The following UGP2 variants were observed in gnomAD, a reference collection of about 807,000 sequenced individuals.
UGP2 encodes UDP-glucose pyrophosphorylase 2, also known as UTP--glucose-1-phosphate uridylyltransferase.
In UGP2, 40 loss-of-function variants were observed where a neutral mutation model predicts 49.0. The ratio of observed to expected loss-of-function variants is 0.82; its 90% CI spans 0.63 to 1.06. The LOEUF (loss-of-function observed/expected upper bound fraction) is 1.06, where lower values mean the gene tolerates loss of function less well. Among genes scored for constraint, UGP2 ranks in the 50% least tolerant of loss-of-function variants. UGP2 has a pLI of 0.00. For missense variants in UGP2, 460 were observed against 603.5 expected, an observed-to-expected ratio of 0.76 and a Z score of 2.49; for synonymous variants, 225 against 213.0, an observed-to-expected ratio of 1.06 and a Z score of -0.49.
intron 3 of UGP2, among the ~76,000 whole-genome samples, chr2:63,872,393 A>C (rs1258902483): frequency 6.6e-6 from 1 of 152,206 alleles, no homozygotes; most frequent in Non-Finnish European, 1.5e-5. Context: ...GAATCAGTGA[A>C]GTAGTAATAA....
At chr2:63,866,197 A>C (rs1304544356) in intron 3 of UGP2, among the ~76,000 whole-genome samples, 1 of 152,248 alleles carries the variant, frequency 6.6e-6, no homozygotes, top group Non-Finnish European at 1.5e-5. Context: ...TGAAAATCAC[A>C]GAATGTATAT....
chr2:63,887,663 ATG>A lies in UGP2; in HGVS notation c.1314+22_1314+23del, dbSNP rs774876096. The A allele has an allele frequency of 1.1e-5, 17 of 1,609,880 alleles. No individual in the cohort carries two copies. The highest frequency in any genetic ancestry group is 3.3e-4 in the Middle Eastern group (2 of 6,050). On this transcript the variant is annotated intron_variant, in intron 8 of 9. Coordinates refer to ENST00000337130, the MANE Select transcript of UGP2 (RefSeq NM_006759.4). ...TACGAAGGTACGTAACTATAAAGAT[ATG>A]TGAGTTCATATTTCTTAAATGTGTA... is the stretch of plus-strand genomic sequence containing the variant.
chr2:63,869,922 ATTTT>A (rs71393337), intron 3 of UGP2, among the ~76,000 whole-genome samples: 1 of 135,478 alleles, frequency 7.4e-6, no homozygotes, highest in Non-Finnish European at 1.6e-5. Context: ...ATTAAAATTA[ATTTT>A]TTTTTTTTTT....
intron 3 of UGP2, among the ~76,000 whole-genome samples, chr2:63,863,947 G>A (rs1054324294): frequency 2.6e-5 from 4 of 152,160 alleles, no homozygotes; most frequent in African/African-American, 9.7e-5. Flanking sequence ...TGTCTTCATC[G>A]TACATAGTCC....
At chr2:63,852,714 A>G (rs1017729285) in intron 1 of UGP2, among the ~76,000 whole-genome samples, 1 of 152,224 alleles carries the variant, frequency 6.6e-6, no homozygotes. Context: ...GAACTAAGGT[A>G]GCAGTAATGG....
At chr2:63,844,625 G>T (rs1399718157) in intron 1 of UGP2, among the ~76,000 whole-genome samples, 1 of 152,214 alleles carries the variant, frequency 6.6e-6, no homozygotes, top group Non-Finnish European at 1.5e-5. Context: ...GCAGTGGTGC[G>T]ATCACAGCTC....
At position 63,887,545 on chromosome 2, in the gene UGP2, G is replaced by GTCAAACC. The variant is rs1348268405; in HGVS notation, c.1218_1224dup (p.Tyr409LysfsTer4). The GTCAAACC allele has an allele frequency of 6.2e-7, 1 of 1,614,026 alleles. No homozygotes were observed. Among genetic ancestry groups the GTCAAACC allele is most frequent in the African/African-American group, 1.3e-5 (1 of 74,934 alleles). ...CCACATCAGATCTCTTGCTGGTGATGTCAAACCTCTATAGTCTTAATGCAG... is the reference window on the plus strand; with the variant it reads ...CCACATCAGATCTCTTGCTGGTGATGTCAAACCTCAAACCTCTATAGTCTTAATGCAG... On this transcript the variant is annotated frameshift_variant, in exon 8 of 10. Coordinates refer to ENST00000337130, the MANE Select transcript of UGP2 (RefSeq NM_006759.4). LOFTEE classifies it high-confidence loss of function.
At chr2:63,867,688 G>C (rs755725548) in intron 3 of UGP2, among the ~76,000 whole-genome samples, 1 of 152,062 alleles carries the variant, frequency 6.6e-6, no homozygotes, top group Non-Finnish European at 1.5e-5. Context: ...TTTGTTATCA[G>C]TGTACTTAAT....
intron 1 of UGP2, among the ~76,000 whole-genome samples, chr2:63,844,909 A>G (rs1207170561): frequency 6.6e-6 from 1 of 152,218 alleles, no homozygotes; most frequent in African/African-American, 2.4e-5. Context: ...CCTTCCCGAC[A>G]TCTTTTGTTG....
intron 3 of UGP2, among the ~76,000 whole-genome samples, chr2:63,870,666 C>T (rs559336342): frequency 8.5e-5 from 13 of 152,226 alleles, no homozygotes; most frequent in Non-Finnish European, 1.6e-4. Flanking sequence ...AATTAATAGC[C>T]GTTTGTTTTA....
intron 3 of UGP2, among the ~76,000 whole-genome samples, chr2:63,874,305 G>A (rs1670759902): frequency 6.6e-6 from 1 of 152,168 alleles, no homozygotes; most frequent in Non-Finnish European, 1.5e-5. Flanking sequence ...CCACTTGAGA[G>A]ATGGAGGGTG....
intron 3 of UGP2, among the ~76,000 whole-genome samples, chr2:63,865,471 C>T (rs946581441): frequency 4.6e-5 from 7 of 151,126 alleles, no homozygotes; most frequent in Non-Finnish European, 7.4e-5. Flanking sequence ...ATTTCACTAA[C>T]AGGCTTCTAC....
chr2:63,850,263 A>G (rs1398856358), intron 1 of UGP2, among the ~76,000 whole-genome samples: 1 of 152,186 alleles, frequency 6.6e-6, no homozygotes, highest in Non-Finnish European at 1.5e-5. Flanking sequence ...GCTGCTCTGC[A>G]TATTTGTTGC....
intron 6 of UGP2, among the ~76,000 whole-genome samples, 159 bp downstream of exon 6, chr2:63,886,045 A>T (rs1671647727): frequency 6.6e-6 from 1 of 152,220 alleles, no homozygotes; most frequent in Admixed American, 6.5e-5. Context: ...AATAAATAGT[A>T]TCAAAATCAT....
At chr2:63,856,939 GT>G in intron 2 of UGP2, 1 of 399,380 alleles carries the variant, frequency 2.5e-6, no homozygotes, top group Non-Finnish European at 4.9e-6. Context: ...AGCTAGCTGT[GT>G]TTTATTTCTT....
chr2:63,856,001 G>C, intron 1 of UGP2: 2 of 244,650 alleles, frequency 8.2e-6, no homozygotes, highest in South Asian at 1.2e-4. Flanking sequence ...GCTGAAATTG[G>C]GAACCAGAAG....
At chr2:63,844,831 G>T (rs909529140) in intron 1 of UGP2, among the ~76,000 whole-genome samples, 4 of 152,126 alleles carry the variant, frequency 2.6e-5, no homozygotes, top group Non-Finnish European at 4.4e-5. Flanking sequence ...CAGAGTACTG[G>T]GATTACAGGT....
At chr2:63,855,741 C>T (rs940145193) in intron 1 of UGP2, 18 of 401,478 alleles carry the variant, frequency 4.5e-5, no homozygotes, top group Admixed American at 3.0e-4. Context: ...GAGGTTTTGC[C>T]GTGTTGCCCA....
chr2:63,883,915 A>G, intron 4 of UGP2, 45 bp from the exon 5 acceptor site: 1 of 1,565,594 alleles, frequency 6.4e-7, no homozygotes, highest in African/African-American at 1.4e-5. Context: ...ATTTGAGCAA[A>G]AGAAAAGTGA....
Sources: allele counts gnomAD v4.1 joint callset (sites outside exome capture counted in the v4.1 genomes callset), GRCh38; gene constraint gnomAD v4.1.1; transcripts MANE v1.5; gene names NCBI Gene and HGNC (gene_info 2026-07-23, HGNC 2026-07-21).